WNK2: variants seen among roughly 807,000 people sequenced by gnomAD.
The protein encoded by WNK2 is WNK lysine deficient protein kinase 2.
In WNK2, 67 loss-of-function variants were observed where a neutral mutation model predicts 192.1. The ratio of observed to expected loss-of-function variants is 0.35; its 90% CI spans 0.29 to 0.43. WNK2 has a LOEUF of 0.43. Ranked by LOEUF, WNK2 falls within the 20% of genes least tolerant of loss-of-function variation. The pLI, the probability that WNK2 is intolerant of heterozygous loss-of-function variation, is 1.00. For missense variants in WNK2, 2,698 were observed against 3,089.7 expected (o/e 0.87, Z 3.01); for synonymous variants, 1,439 against 1,393.9 (o/e 1.03, Z -0.72).
At chr9:93,304,113 C>A (rs1319932056) in intron 26 of WNK2, among the ~76,000 whole-genome samples, 1 of 152,196 alleles carries the variant, frequency 6.6e-6, no homozygotes, top group Non-Finnish European at 1.5e-5. Flanking sequence ...ACTTTTTAGT[C>A]CCCCTGTCCC....
intron 2 of WNK2, among the ~76,000 whole-genome samples, chr9:93,225,978 AG>A (rs1837745197): frequency 1.3e-5 from 2 of 152,030 alleles, no homozygotes; most frequent in South Asian, 4.2e-4. Context: ...CATTTCTTCC[AG>A]TAACTTGTTC....
chr9:93,210,760 A>C (rs1834352659), intron 2 of WNK2, among the ~76,000 whole-genome samples: 1 of 152,134 alleles, frequency 6.6e-6, no homozygotes. Context: ...GGTCCAGGGC[A>C]CCATCATGGT....
At chr9:93,301,571 G>A (rs796763641) in intron 26 of WNK2, among the ~76,000 whole-genome samples, 2 of 152,312 alleles carry the variant, frequency 1.3e-5, no homozygotes, top group African/African-American at 4.8e-5. Context: ...ATCTGGGGAG[G>A]AGTGGGCGCC....
chr9:93,195,241 A>G (rs77998248), intron 2 of WNK2, among the ~76,000 whole-genome samples: 3,636 of 152,306 alleles, frequency 0.024, 134 homozygotes, highest in African/African-American at 0.081. Flanking sequence ...ATCAGTTATA[A>G]CAAGTGTACC....
chr9:93,205,853 G>T (rs542895055), intron 2 of WNK2, among the ~76,000 whole-genome samples: 68 of 152,290 alleles, frequency 4.5e-4, no homozygotes, highest in Non-Finnish European at 6.8e-4. Context: ...TGTGACGCCA[G>T]TGCCTTCTGG....
At chr9:93,201,457 C>T (rs1324971850) in intron 2 of WNK2, among the ~76,000 whole-genome samples, 1 of 152,260 alleles carries the variant, frequency 6.6e-6, no homozygotes, top group Non-Finnish European at 1.5e-5. Context: ...GTGGAGAACA[C>T]ATGCCTGGCC....
intron 27 of WNK2, chr9:93,307,465 T>A (rs1056484543): frequency 3.9e-4 from 59 of 152,430 alleles, no homozygotes; most frequent in African/African-American, 1.4e-3. Flanking sequence ...TATTCAAAAT[T>A]GCCAACGAGA....
rs763842581 is a variant in WNK2 at position 93,185,478 on chromosome 9, C to T, written c.549C>T (p.Leu183=). 1.2e-6 allele frequency: 2 copies of T among 1,612,788 alleles called. No homozygotes were observed. Among genetic ancestry groups the T allele is most frequent in the Admixed American group, 1.7e-5 (1 of 60,010 alleles). The change falls in exon 2 of 30, where the codon CTC becomes CTT. Residue 183 remains leucine (L), a synonymous_variant. Coordinates refer to ENST00000427277, the MANE Select transcript of WNK2 (RefSeq NM_006648.4). ...PEEEEDDEDD[L]KAVATSLDGR... ...AGGAGGAGGACGACGAGGACGACCT[C>T]AAGGCCGTGGCCACCTCTCTGGACG... is the stretch of plus-strand genomic sequence containing the variant.
In WNK2 at chr9:93,283,463, G is replaced by A. The variant is rs1848022215; in HGVS notation, c.4034-5325G>A. 3.9e-5 allele frequency among the ~76,000 whole-genome samples: 6 copies of A among 152,098 alleles called. No individual in the cohort carries two copies. In the South Asian group the frequency reaches 1.2e-3, roughly 32 times the overall value. ...TAATCAATATTAGGGATGAAAAGGG[G>A]GAGACACTGCTACAGTCCTACAAAC... On this transcript the variant is annotated intron_variant, in intron 19 of 29. Coordinates refer to ENST00000427277, the MANE Select transcript of WNK2 (RefSeq NM_006648.4).
At chr9:93,188,243 G>C (rs1033318385) in intron 2 of WNK2, among the ~76,000 whole-genome samples, 3 of 152,176 alleles carry the variant, frequency 2.0e-5, no homozygotes, top group African/African-American at 7.2e-5. Flanking sequence ...CACAGGCTGG[G>C]GGGCCTCCCT....
intron 19 of WNK2, among the ~76,000 whole-genome samples, chr9:93,276,563 A>G (rs545232028): frequency 2.0e-5 from 3 of 152,350 alleles, no homozygotes; most frequent in East Asian, 3.9e-4. Context: ...GATGTATAAA[A>G]GAAAAAATGG....
chr9:93,189,984 G>T (rs938584923), intron 2 of WNK2, among the ~76,000 whole-genome samples: 1 of 152,230 alleles, frequency 6.6e-6, no homozygotes, highest in African/African-American at 2.4e-5. Flanking sequence ...CAATCAGAAG[G>T]CTTGACCCGA....
chr9:93,204,320 C>T (rs1832992240), intron 2 of WNK2, among the ~76,000 whole-genome samples: 1 of 152,278 alleles, frequency 6.6e-6, no homozygotes, highest in South Asian at 2.1e-4. Flanking sequence ...GGCAGAAGAA[C>T]TGATGGCCTC....
chr9:93,291,690 C>T (rs1173020247), intron 21 of WNK2, among the ~76,000 whole-genome samples: 1 of 152,232 alleles, frequency 6.6e-6, no homozygotes, highest in East Asian at 1.9e-4. Flanking sequence ...GCCACCTTCC[C>T]CACGGCGCAT....
intron 2 of WNK2, among the ~76,000 whole-genome samples, chr9:93,210,326 C>T (rs1834279612): frequency 1.3e-5 from 2 of 151,936 alleles, no homozygotes; most frequent in African/African-American, 2.4e-5. Context: ...GGGACTGGGG[C>T]GTTGCTCACT....
At chr9:93,204,571 C>G (rs962983035) in intron 2 of WNK2, among the ~76,000 whole-genome samples, 1 of 152,220 alleles carries the variant, frequency 6.6e-6, no homozygotes, top group Non-Finnish European at 1.5e-5. Flanking sequence ...GCTGCAGGAA[C>G]AAGCTGCTGG....
At chr9:93,187,199 G>A (rs1445051042) in intron 2 of WNK2, among the ~76,000 whole-genome samples, 1 of 152,106 alleles carries the variant, frequency 6.6e-6, no homozygotes, top group Non-Finnish European at 1.5e-5. Flanking sequence ...CTGAGGCATC[G>A]CAGGCGCATG....
intron 29 of WNK2, chr9:93,319,430 G>A (rs542319242): frequency 4.1e-5 from 40 of 983,616 alleles, no homozygotes; most frequent in African/African-American, 7.0e-5. Flanking sequence ...CACTGCCCCC[G>A]CCAGCTGTGG....
At chr9:93,230,234 G>A (rs895401380) in intron 3 of WNK2, among the ~76,000 whole-genome samples, 4 of 152,242 alleles carry the variant, frequency 2.6e-5, no homozygotes, top group Middle Eastern at 3.4e-3. Flanking sequence ...ACGGCAGCCT[G>A]TTGCTGCTCA....
Sources: allele counts gnomAD v4.1 joint callset (sites outside exome capture counted in the v4.1 genomes callset), GRCh38; gene constraint gnomAD v4.1.1; transcripts MANE v1.5; gene names NCBI Gene and HGNC (gene_info 2026-07-23, HGNC 2026-07-21).